SUPT3H: variants seen among roughly 807,000 people sequenced by gnomAD.
SUPT3H encodes the protein transcription initiation protein SPT3 homolog.
SUPT3H carries 44 observed loss-of-function variants against 44.3 expected under a neutral mutation model. The observed-to-expected ratio is 0.99, with a 90% CI of 0.78 to 1.28. The LOEUF is 1.28. Among genes scored for constraint, SUPT3H ranks in the 50% most tolerant of loss-of-function variants. SUPT3H has a pLI of 0.00. For missense variants in SUPT3H, 380 were observed against 387.1 expected (o/e 0.98, Z 0.15); for synonymous variants, 124 against 125.6 (o/e 0.99, Z 0.09).
At chr6:45,000,157 ATCTT>A (rs762291741) in intron 6 of SUPT3H, among the ~76,000 whole-genome samples, 2 of 151,960 alleles carry the variant, frequency 1.3e-5, no homozygotes, top group Non-Finnish European at 2.9e-5. Flanking sequence ...ATATAATTCT[ATCTT>A]TATTTCACAG....
Position 45,073,167 on chromosome 6 carries a change from T to G in SUPT3H, c.186+32755A>C, listed in dbSNP as rs559918666. Reference sequence around the variant, plus strand: ...ACGCTGAAGATATGTAGGTATTCCATGAGCAGTGTCATTCAAACATATGTG... The same window carrying G: ...ACGCTGAAGATATGTAGGTATTCCAGGAGCAGTGTCATTCAAACATATGTG... On this transcript the variant is annotated intron_variant, in intron 3 of 10. Coordinates refer to ENST00000371459, the MANE Select transcript of SUPT3H (RefSeq NM_003599.4). Among the ~76,000 whole-genome samples, 8 of 152,188 alleles carry G rather than the reference T, an allele frequency of 5.3e-5. 1 individual carries two copies. In the South Asian group the frequency reaches 1.7e-3, roughly 32 times the overall value.
intron 3 of SUPT3H, among the ~76,000 whole-genome samples, chr6:45,025,735 G>A (rs1286653610): frequency 1.1e-4 from 17 of 151,100 alleles, no homozygotes; most frequent in Non-Finnish European, 4.4e-5. Context: ...TACAAAAAAT[G>A]AGCCTGGCGT....
intron 10 of SUPT3H, among the ~76,000 whole-genome samples, chr6:44,884,379 A>C (rs1778775723): frequency 6.6e-6 from 1 of 152,210 alleles, no homozygotes. Context: ...GATGTGAAGA[A>C]ATAGGAACGC....
intron 3 of SUPT3H, among the ~76,000 whole-genome samples, chr6:45,081,733 G>T (rs1795844900): frequency 6.6e-6 from 1 of 152,024 alleles, no homozygotes; most frequent in Non-Finnish European, 1.5e-5. Context: ...ATTTAACAGG[G>T]TTCTACCTTA....
At chr6:45,296,633 G>A (rs961839283) in intron 2 of SUPT3H, among the ~76,000 whole-genome samples, 1 of 150,806 alleles carries the variant, frequency 6.6e-6, no homozygotes, top group African/African-American at 2.4e-5. Context: ...CAGCTACTCG[G>A]GAGGCTGAGG....
intron 9 of SUPT3H, among the ~76,000 whole-genome samples, chr6:44,952,769 A>G (rs916255785): frequency 6.6e-6 from 1 of 152,242 alleles, no homozygotes; most frequent in African/African-American, 2.4e-5. Flanking sequence ...ATTGGAAAGA[A>G]AACTTTACGG....
chr6:45,299,363 T>C (rs951093604), intron 2 of SUPT3H, among the ~76,000 whole-genome samples: 4 of 150,244 alleles, frequency 2.7e-5, no homozygotes, highest in African/African-American at 7.4e-5. Flanking sequence ...TTGTATGAAG[T>C]AATGATCTTA....
At chr6:45,271,141 G>C (rs1933950001) in intron 2 of SUPT3H, among the ~76,000 whole-genome samples, 1 of 152,234 alleles carries the variant, frequency 6.6e-6, no homozygotes, top group Admixed American at 6.5e-5. Context: ...AAAATGTGCA[G>C]CCTGACAATG....
At chr6:45,020,777 A>C (rs574732449) in intron 3 of SUPT3H, 145 bp from the exon 4 acceptor site, 301 of 509,248 alleles carry the variant, frequency 5.9e-4, no homozygotes, top group Non-Finnish European at 9.2e-4. Flanking sequence ...TTTTAAGAGT[A>C]AAATGTCTTA....
At chr6:45,244,099 G>C (rs1055235249) in intron 2 of SUPT3H, among the ~76,000 whole-genome samples, 1 of 152,174 alleles carries the variant, frequency 6.6e-6, no homozygotes, top group African/African-American at 2.4e-5. Flanking sequence ...GCCCAGGCTG[G>C]TCTCAAACTC....
intron 2 of SUPT3H, among the ~76,000 whole-genome samples, chr6:45,300,761 T>C (rs1279000197): frequency 6.6e-6 from 1 of 152,184 alleles, no homozygotes; most frequent in Non-Finnish European, 1.5e-5. Flanking sequence ...AAATTATGTA[T>C]ACCTGATCGC....
intron 3 of SUPT3H, among the ~76,000 whole-genome samples, chr6:45,028,938 G>A (rs1477416372): frequency 6.9e-6 from 1 of 145,150 alleles, no homozygotes; most frequent in Non-Finnish European, 1.5e-5. Context: ...AAGATAAAAG[G>A]TTTGGATCAA....
intron 3 of SUPT3H, among the ~76,000 whole-genome samples, chr6:45,051,222 G>A (rs1224015602): frequency 6.6e-6 from 1 of 152,116 alleles, no homozygotes; most frequent in Non-Finnish European, 1.5e-5. Flanking sequence ...AAGTGGAGAG[G>A]TTGGGGAATA....
At chr6:45,156,968 A>G (rs1191932490) in intron 2 of SUPT3H, among the ~76,000 whole-genome samples, 1 of 152,126 alleles carries the variant, frequency 6.6e-6, no homozygotes, top group Non-Finnish European at 1.5e-5. Flanking sequence ...AACTTAACAG[A>G]AACTACCACC....
chr6:45,258,915 A>G (rs566927085), intron 2 of SUPT3H, among the ~76,000 whole-genome samples: 1 of 152,290 alleles, frequency 6.6e-6, no homozygotes, highest in South Asian at 2.1e-4. Context: ...TGTTCATTTT[A>G]AAGTTTTTTG....
chr6:44,883,780 C>G (rs2153436149), intron 10 of SUPT3H, among the ~76,000 whole-genome samples: 1 of 152,258 alleles, frequency 6.6e-6, no homozygotes, highest in South Asian at 2.1e-4. Context: ...AAAGGATTCC[C>G]TATTTAATAA....
intron 2 of SUPT3H, among the ~76,000 whole-genome samples, chr6:45,137,732 T>G (rs1297759246): frequency 6.6e-6 from 1 of 151,248 alleles, no homozygotes; most frequent in African/African-American, 2.4e-5. Flanking sequence ...AACCAAGAAA[T>G]AAAGATATAA....
intron 2 of SUPT3H, among the ~76,000 whole-genome samples, chr6:45,127,423 T>A (rs931387483): frequency 2.6e-5 from 4 of 152,230 alleles, no homozygotes; most frequent in African/African-American, 9.6e-5. Context: ...TTAAATCATT[T>A]AAACTCCACA....
intron 2 of SUPT3H, among the ~76,000 whole-genome samples, chr6:45,161,632 T>C (rs1201810825): frequency 2.0e-5 from 3 of 152,170 alleles, no homozygotes; most frequent in African/African-American, 7.2e-5. Flanking sequence ...AATAGTGTCT[T>C]ATTTGACTTT....
Sources: allele counts gnomAD v4.1 joint callset (sites outside exome capture counted in the v4.1 genomes callset), GRCh38; gene constraint gnomAD v4.1.1; transcripts MANE v1.5; gene names NCBI Gene and HGNC (gene_info 2026-07-23, HGNC 2026-07-21).